The following MIA3 variants were observed in gnomAD, a reference collection of about 807,000 sequenced individuals.
MIA3 encodes transport and Golgi organization protein 1 homolog.
MIA3 carries 90 observed loss-of-function variants against 192.4 expected under a neutral mutation model. The ratio of observed to expected loss-of-function variants is 0.47; its 90% CI spans 0.39 to 0.56. The LOEUF is 0.56. Ranked by LOEUF, MIA3 falls within the 20% of genes least tolerant of loss-of-function variation. MIA3 has a pLI of 0.00. For missense variants in MIA3, 2,123 were observed against 2,269.4 expected (o/e 0.94, Z 1.31); for synonymous variants, 740 against 792.8 (o/e 0.93, Z 1.12).
At position 222,662,144 on chromosome 1, in the gene MIA3, C is replaced by G. The variant is rs1194702557; in HGVS notation, c.5182+20C>G. On this transcript the variant is annotated intron_variant, in intron 25 of 27. Coordinates refer to ENST00000344922, the MANE Select transcript of MIA3 (RefSeq NM_198551.4). ...CTTCTGGTAAGGGAGCAAGAGTGTT[C>G]AAAGAGTCTAAAACCATGCAGGAAG... 6.2e-7 allele frequency: 1 copy of G among 1,612,218 alleles called. No homozygotes were observed. The highest frequency in any genetic ancestry group is 2.2e-5 in the East Asian group (1 of 44,858).
chr1:222,643,401 T>G (rs1397101447), intron 6 of MIA3, among the ~76,000 whole-genome samples: 1 of 152,196 alleles, frequency 6.6e-6, no homozygotes. Context: ...AGTACCATAC[T>G]GTTATTACAG....
Position 222,629,258 on chromosome 1 carries a change from G to A in MIA3, c.2038G>A (p.Gly680Arg), listed in dbSNP as rs1201213107. The change falls in exon 4 of 28, where the codon GGA (glycine) becomes AGA (arginine). Residue 680 changes from glycine to arginine, a missense_variant. Physicochemically the swap from Gly to Arg is moderately radical, Grantham distance 125 (BLOSUM62 -2). Coordinates refer to ENST00000344922, the MANE Select transcript of MIA3 (RefSeq NM_198551.4). ...QMSEKIRLSE[G>R]EAKEDSLDEE... The stretch of plus-strand genomic sequence containing the variant: ...GAGTGAGAAGATAAGGCTCTCTGAG[G>A]GAGAAGCCAAAGAGGACTCCTTGGA... 6.2e-7 allele frequency: 1 copy of A among 1,614,044 alleles called. No homozygotes were observed. The highest frequency in any genetic ancestry group is 2.2e-5 in the East Asian group (1 of 44,890).
chr1:222,645,160 T>TA (rs1431823328), intron 6 of MIA3, among the ~76,000 whole-genome samples: 2 of 152,232 alleles, frequency 1.3e-5, no homozygotes, highest in African/African-American at 4.8e-5. Context: ...TTTGCAGCCA[T>TA]AAAAAGTTAG....
chr1:222,646,147 G>A (rs1663130052), intron 7 of MIA3: 2 of 154,008 alleles, frequency 1.3e-5, no homozygotes, highest in African/African-American at 4.8e-5. Context: ...CCGGCACAGT[G>A]GCTCACACCT....
chr1:222,664,427 G>A (rs942642293), intron 27 of MIA3, among the ~76,000 whole-genome samples: 2 of 152,170 alleles, frequency 1.3e-5, no homozygotes, highest in Admixed American at 1.3e-4. Context: ...TGTGTACTAG[G>A]CTCTGCAATG....
At chr1:222,649,922 A>G (rs924089486) in intron 8 of MIA3, 3 of 242,020 alleles carry the variant, frequency 1.2e-5, no homozygotes, top group African/African-American at 2.3e-5. Context: ...GCCATCTTAC[A>G]TGGTGGGAGC....
At chr1:222,632,442 C>A in intron 5 of MIA3, 116 bp downstream of exon 5, 1 of 890,516 alleles carries the variant, frequency 1.1e-6, no homozygotes, top group Non-Finnish European at 1.7e-6. Flanking sequence ...AAAAAAGGAT[C>A]CCAGAGCTAA....
intron 6 of MIA3, among the ~76,000 whole-genome samples, chr1:222,645,067 G>GT (rs1248399585): frequency 6.6e-6 from 1 of 152,102 alleles, no homozygotes; most frequent in Non-Finnish European, 1.5e-5. Context: ...TTTGTTCTTT[G>GT]TTTATGTAAG....
At chr1:222,618,286 T>C in intron 1 of MIA3, 43 bp downstream of exon 1, 2 of 1,343,938 alleles carry the variant, frequency 1.5e-6, no homozygotes, top group Middle Eastern at 2.1e-4. Flanking sequence ...GCGGCTGGCC[T>C]TGGGGTCTCC....
intron 18 of MIA3, among the ~76,000 whole-genome samples, chr1:222,656,716 A>G (rs1663751183): frequency 6.6e-6 from 1 of 152,086 alleles, no homozygotes; most frequent in South Asian, 2.1e-4. Context: ...AATTCAACAT[A>G]CTAGGATCTC....
At chr1:222,619,925 G>T (rs1475406675) in intron 1 of MIA3, among the ~76,000 whole-genome samples, 1 of 152,170 alleles carries the variant, frequency 6.6e-6, no homozygotes, top group African/African-American at 2.4e-5. Flanking sequence ...GGTGCATTTT[G>T]TTGGCATCTC....
intron 11 of MIA3, among the ~76,000 whole-genome samples, chr1:222,651,208 A>C (rs1368048489): frequency 6.8e-6 from 1 of 146,792 alleles, no homozygotes; most frequent in African/African-American, 2.5e-5. Context: ...TTTGTTTTGC[A>C]AAGTTTTTTT....
At position 222,659,741 on chromosome 1, in the gene MIA3, C is replaced by T; in HGVS notation, c.4814C>T (p.Ala1605Val). The stretch of plus-strand genomic sequence containing the variant: ...GATATTTTTCTTCAATAGCTCAAAG[C>T]TCGTGCTGCAGAAAGAGCTATAGCT... ...EKKAHENWLK[A>V]RAAERAIAEE... The change falls in exon 22 of 28, where the codon GCT (alanine) becomes GTT (valine). Residue 1605 changes from alanine to valine, a missense_variant. Around this residue, in one of 3 missense-constraint regions of MIA3, gnomAD observed 762 missense variants for 856.4 expected, o/e 0.89. Coordinates refer to ENST00000344922, the MANE Select transcript of MIA3 (RefSeq NM_198551.4). The T allele has an allele frequency of 1.2e-6, 2 of 1,614,020 alleles. No homozygotes were observed. The highest frequency in any genetic ancestry group is 1.3e-5 in the African/African-American group (1 of 75,018).
intron 2 of MIA3, 115 bp downstream of exon 2, chr1:222,621,407 T>G: frequency 9.7e-7 from 1 of 1,032,928 alleles, no homozygotes; most frequent in South Asian, 1.6e-5. Context: ...TTGTCCTCTC[T>G]GCCTGACTGT....
At chr1:222,665,193 C>A in intron 27 of MIA3, 116 bp from the exon 28 acceptor site, 1 of 769,090 alleles carries the variant, frequency 1.3e-6, no homozygotes, top group Non-Finnish European at 2.0e-6. Flanking sequence ...CAAGACCCTG[C>A]CGCCAAAAAA....
chr1:222,627,295 G>A (rs1662162708), intron 3 of MIA3, among the ~76,000 whole-genome samples: 1 of 152,162 alleles, frequency 6.6e-6, no homozygotes, highest in Non-Finnish European at 1.5e-5. Context: ...GTCCCAAACA[G>A]AAAACAGGAT....
chr1:222,626,754 A>G (rs901322130), intron 3 of MIA3, among the ~76,000 whole-genome samples: 17 of 152,186 alleles, frequency 1.1e-4, no homozygotes, highest in African/African-American at 2.7e-4. Context: ...TTACATTTTT[A>G]TATCTCATGC....
At chr1:222,626,558 G>A (rs1054449666) in intron 3 of MIA3, among the ~76,000 whole-genome samples, 1 of 152,136 alleles carries the variant, frequency 6.6e-6, no homozygotes, top group Admixed American at 6.5e-5. Flanking sequence ...CTCCTTGTAT[G>A]TCAATTTGCT....
intron 27 of MIA3, among the ~76,000 whole-genome samples, chr1:222,664,623 A>G (rs2124936234): frequency 6.6e-6 from 1 of 152,312 alleles, no homozygotes; most frequent in East Asian, 1.9e-4. Context: ...GATATGAAAG[A>G]GAAGGTAGAA....
Sources: allele counts gnomAD v4.1 joint callset (sites outside exome capture counted in the v4.1 genomes callset), GRCh38; gene constraint gnomAD v4.1.1; regional missense constraint gnomAD v4.1.1; transcripts MANE v1.5; gene names NCBI Gene and HGNC (gene_info 2026-07-23, HGNC 2026-07-21).